Variants in PREX1 observed in about 807,000 individuals in gnomAD.
The protein encoded by PREX1 is phosphatidylinositol-3,4,5-trisphosphate dependent Rac exchange factor 1.
In PREX1, 41 loss-of-function variants were observed where a neutral mutation model predicts 198.3. That is an observed-to-expected ratio of 0.21 (90% confidence interval 0.16 to 0.27). The LOEUF is 0.27. Among genes scored for constraint, PREX1 ranks in the 10% least tolerant of loss-of-function variants. PREX1 has a pLI of 1.00. For synonymous variants in PREX1, 843 were observed against 887.2 expected, an observed-to-expected ratio of 0.95 and a Z score of 0.89; for missense variants, 1,620 against 2,200.7, an observed-to-expected ratio of 0.74 and a Z score of 5.28.
At chr20:48,767,947 C>T (rs1256188968) in intron 1 of PREX1, among the ~76,000 whole-genome samples, 2 of 152,178 alleles carry the variant, frequency 1.3e-5, no homozygotes, top group Non-Finnish European at 2.9e-5. Context: ...GCAGGTAGCA[C>T]AAAGTGTTGT....
intron 14 of PREX1, among the ~76,000 whole-genome samples, chr20:48,669,140 C>A (rs1246459774): frequency 6.6e-6 from 1 of 151,898 alleles, no homozygotes; most frequent in Non-Finnish European, 1.5e-5. Context: ...TGCTTCCCTG[C>A]CTTGACTCCC....
At chr20:48,734,428 T>A (rs2090048017) in intron 4 of PREX1, 118 bp downstream of exon 4, 1 of 886,348 alleles carries the variant, frequency 1.1e-6, no homozygotes. Flanking sequence ...AGGCAGGAGA[T>A]TACCCCAGCC....
At chr20:48,673,591 C>A (rs571435155) in intron 14 of PREX1, among the ~76,000 whole-genome samples, 1 of 152,206 alleles carries the variant, frequency 6.6e-6, no homozygotes, top group East Asian at 1.9e-4. Flanking sequence ...CCTCTGGGCT[C>A]TGACTGAAGC....
At chr20:48,852,636 C>T in the PREX1 span, among the ~76,000 whole-genome samples, 2 of 152,192 alleles carry the variant, frequency 1.3e-5, no homozygotes, top group South Asian at 4.1e-4. Context: ...ATCTGATGCC[C>T]AGCTGATGGT....
At chr20:48,751,081 T>C (rs1021918185) in intron 1 of PREX1, among the ~76,000 whole-genome samples, 1 of 152,184 alleles carries the variant, frequency 6.6e-6, no homozygotes, top group Non-Finnish European at 1.5e-5. Context: ...GCTCAGCAAA[T>C]AGCAGGTGCT....
chr20:48,741,827 C>T lies in PREX1; in HGVS notation c.414+3198G>A, dbSNP rs2090083473. On this transcript the variant is annotated intron_variant, in intron 3 of 39. Coordinates refer to ENST00000371941, the MANE Select transcript of PREX1 (RefSeq NM_020820.4). ...CGCAGGGATGTCTGAGGGAACTGGT[C>T]CAGCAGAGGAAGCGGCCTGGGGTGA... 3.3e-5 allele frequency among the ~76,000 whole-genome samples: 5 copies of T among 152,228 alleles called. No homozygotes were observed. In the South Asian group the frequency reaches 1.0e-3, roughly 32 times the overall value.
chr20:48,720,715 T>C (rs908533094), intron 5 of PREX1, among the ~76,000 whole-genome samples: 6 of 151,934 alleles, frequency 3.9e-5, no homozygotes, highest in Non-Finnish European at 5.9e-5. Flanking sequence ...GTTGTCCCCC[T>C]TCACCGAGAA....
chr20:48,810,714 C>T (rs1385516349), intron 1 of PREX1, among the ~76,000 whole-genome samples: 1 of 151,786 alleles, frequency 6.6e-6, no homozygotes, highest in Non-Finnish European at 1.5e-5. Context: ...TAGCAAAACC[C>T]CATCTCTATT....
At chr20:48,839,196 G>A in the PREX1 span, among the ~76,000 whole-genome samples, 1 of 152,084 alleles carries the variant, frequency 6.6e-6, no homozygotes, top group East Asian at 1.9e-4. Flanking sequence ...GACCCCAGAT[G>A]CACAGAATCA....
chr20:48,859,895 G>A, the PREX1 span, among the ~76,000 whole-genome samples: 11 of 152,214 alleles, frequency 7.2e-5, no homozygotes, highest in Non-Finnish European at 1.5e-4. Flanking sequence ...GCGCATGCTT[G>A]TAATCCCAGC....
In PREX1 at chr20:48,625,895, C is replaced by A; in HGVS notation, c.4970G>T (p.Gly1657Val). Residue 1657 changes from glycine to valine, a missense_variant, in exon 40 of 40, where the codon GGG becomes GTG. Transcript: ENST00000371941. The stretch of plus-strand genomic sequence containing the variant: ...GGGGCATTTGGGTGTTCAGAGGTCC[C>A]CATCCACCGGCGGCTGGCAGAGGCG... The part of the protein sequence containing the change: ...LYRLCQPPVD[G>V]DL 1 of 1,561,760 alleles carries A rather than the reference C, an allele frequency of 6.4e-7. No individual in the cohort carries two copies. The highest frequency in any genetic ancestry group is 8.6e-7 in the Non-Finnish European group (1 of 1,156,814).
intron 1 of PREX1, chr20:48,822,070 AT>A (rs1401517757): frequency 3.3e-5 from 5 of 152,204 alleles, no homozygotes; most frequent in Non-Finnish European, 7.3e-5. Flanking sequence ...TCATGGTTTT[AT>A]CTGTACAGAG....
At chr20:48,675,225 C>G (rs2089700030) in intron 14 of PREX1, among the ~76,000 whole-genome samples, 1 of 152,212 alleles carries the variant, frequency 6.6e-6, no homozygotes, top group Non-Finnish European at 1.5e-5. Flanking sequence ...CCCCTCCCAT[C>G]CCTTTCCCCA....
At chr20:48,669,680 G>A (rs1291194188) in intron 14 of PREX1, among the ~76,000 whole-genome samples, 4 of 152,138 alleles carry the variant, frequency 2.6e-5, no homozygotes, top group African/African-American at 9.7e-5. Context: ...ATAGTGGTGG[G>A]GAGAGTGTCT....
chr20:48,657,687 G>A (rs2089556061), intron 17 of PREX1, among the ~76,000 whole-genome samples: 1 of 152,162 alleles, frequency 6.6e-6, no homozygotes, highest in African/African-American at 2.4e-5. Context: ...CACGGCAGGT[G>A]CATCTCCCCC....
chr20:48,660,853 T>A (rs2089585390), intron 15 of PREX1, among the ~76,000 whole-genome samples: 2 of 152,192 alleles, frequency 1.3e-5, no homozygotes, highest in Admixed American at 6.5e-5. Context: ...CAATGAGCAG[T>A]AATTTGTGAA....
chr20:48,820,057 G>A (rs1253333415), intron 1 of PREX1, among the ~76,000 whole-genome samples: 1 of 152,194 alleles, frequency 6.6e-6, no homozygotes, highest in Non-Finnish European at 1.5e-5. Flanking sequence ...CGCCTCCCCT[G>A]GCCCAGAATC....
intron 1 of PREX1, among the ~76,000 whole-genome samples, chr20:48,791,110 G>A (rs909959945): frequency 2.6e-5 from 4 of 152,002 alleles, no homozygotes; most frequent in Non-Finnish European, 5.9e-5. Context: ...TGCAGAAAAC[G>A]GCACCCCAGC....
chr20:48,723,929 G>T (rs746315251), intron 5 of PREX1, among the ~76,000 whole-genome samples: 1 of 152,152 alleles, frequency 6.6e-6, no homozygotes, highest in Non-Finnish European at 1.5e-5. Context: ...CCAGACTTTC[G>T]CAAGATCCAG....
Sources: allele counts gnomAD v4.1 joint callset (sites outside exome capture counted in the v4.1 genomes callset), GRCh38; gene constraint gnomAD v4.1.1; transcripts MANE v1.5; gene names NCBI Gene and HGNC (gene_info 2026-07-23, HGNC 2026-07-21).